NWD2: variants seen among roughly 807,000 people sequenced by gnomAD.
The protein encoded by NWD2 is NACHT and WD repeat domain containing 2, also known as NACHT and WD repeat domain-containing protein 2.
NWD2 carries 37 observed loss-of-function variants against 132.7 expected under a neutral mutation model. That is an observed-to-expected ratio of 0.28 (90% CI 0.21 to 0.37). The LOEUF is 0.37. Ranked by LOEUF, NWD2 falls within the 10% of genes least tolerant of loss-of-function variation. NWD2 has a pLI of 1.00. For missense variants in NWD2, 1,592 were observed against 2,122.4 expected (o/e 0.75, Z 4.91); for synonymous variants, 705 against 803.0 (o/e 0.88, Z 2.06).
In NWD2 at chr4:37,444,153, G is replaced by T. The variant is rs1712564647; in HGVS notation, c.2165G>T (p.Arg722Ile). ...GGTCTCAGTGGATACCTAATAGAAA[G>T]ACATGTGAAAAATGTCACACTCCTA... The part of the protein sequence containing the change: ...KEGLSGYLIE[R>I]HVKNVTLLVW... The change falls in exon 7 of 7, where the codon AGA (arginine) becomes ATA (isoleucine). Residue 722 changes from arginine to isoleucine, a missense_variant. Physicochemically the swap from Arg to Ile is moderately conservative, Grantham distance 97. Around this residue, in one of 7 missense-constraint regions of NWD2, gnomAD observed 1,071 missense variants for 1,398.0 expected, o/e 0.77. Transcript: ENST00000309447. The surrounding 1 kb of genome is among the most constrained non-coding windows in gnomAD (Gnocchi z 4.8). 1.3e-6 allele frequency: 2 copies of T among 1,551,702 alleles called. No individual in the cohort carries two copies. The highest frequency in any genetic ancestry group is 4.9e-5 in the East Asian group (2 of 40,922).
chr4:37,362,630 A>T (rs1045806071), intron 3 of NWD2, among the ~76,000 whole-genome samples: 1 of 151,236 alleles, frequency 6.6e-6, no homozygotes, highest in African/African-American at 2.5e-5. Context: ...AGGAGAATGA[A>T]ATTGGACCCC....
At chr4:37,312,886 A>G (rs1718879040) in intron 1 of NWD2, among the ~76,000 whole-genome samples, 1 of 151,130 alleles carries the variant, frequency 6.6e-6, no homozygotes, top group Admixed American at 6.6e-5. Context: ...TATTGAGATA[A>G]TCGTGGTTTT....
At chr4:37,252,615 C>T (rs567353680) in intron 1 of NWD2, among the ~76,000 whole-genome samples, 1 of 152,328 alleles carries the variant, frequency 6.6e-6, no homozygotes, top group African/African-American at 2.4e-5. Context: ...TTGAGTTACT[C>T]ATTCAGCTTC....
At chr4:37,343,977 A>G (rs1719581575) in intron 2 of NWD2, among the ~76,000 whole-genome samples, 1 of 152,192 alleles carries the variant, frequency 6.6e-6, no homozygotes, top group Non-Finnish European at 1.5e-5. Flanking sequence ...AGAAGTTTTT[A>G]AAACAACTGA....
intron 1 of NWD2, among the ~76,000 whole-genome samples, chr4:37,308,607 T>C (rs1416654975): frequency 6.6e-6 from 1 of 152,080 alleles, no homozygotes; most frequent in Non-Finnish European, 1.5e-5. Flanking sequence ...CTGGAGAGTG[T>C]GGTTGCTGGC....
chr4:37,409,435 TA>T (rs1428915009), intron 3 of NWD2, among the ~76,000 whole-genome samples: 1 of 150,950 alleles, frequency 6.6e-6, no homozygotes, highest in Non-Finnish European at 1.5e-5. Flanking sequence ...CTTAATGAAA[TA>T]AAGCGTGAAG....
At chr4:37,372,561 C>T (rs1560406837) in intron 3 of NWD2, among the ~76,000 whole-genome samples, 2 of 152,216 alleles carry the variant, frequency 1.3e-5, no homozygotes, top group African/African-American at 2.4e-5. Flanking sequence ...TACAAGTTAT[C>T]TGGACCAACG....
intron 1 of NWD2, among the ~76,000 whole-genome samples, chr4:37,322,380 G>C (rs1719086477): frequency 6.6e-6 from 1 of 152,080 alleles, no homozygotes; most frequent in South Asian, 2.1e-4. Flanking sequence ...GCTGCGAGTT[G>C]AATAACAAGA....
intron 3 of NWD2, among the ~76,000 whole-genome samples, chr4:37,419,642 T>C (rs1369290491): frequency 6.6e-6 from 1 of 152,144 alleles, no homozygotes; most frequent in Non-Finnish European, 1.5e-5. Flanking sequence ...CACTTGAAAA[T>C]ATGACAAAAT....
chr4:37,418,398 C>G (rs1423574686), intron 3 of NWD2, among the ~76,000 whole-genome samples: 1 of 152,208 alleles, frequency 6.6e-6, no homozygotes, highest in African/African-American at 2.4e-5. Flanking sequence ...TGTAGATACT[C>G]TCCTCTAAAA....
At chr4:37,338,507 T>G (rs1386702291) in intron 2 of NWD2, among the ~76,000 whole-genome samples, 1 of 152,182 alleles carries the variant, frequency 6.6e-6, no homozygotes, top group Admixed American at 6.5e-5. Context: ...CTGGTTTAAA[T>G]GGAATAGAAC....
intron 3 of NWD2, among the ~76,000 whole-genome samples, chr4:37,423,409 G>A (rs528813406): frequency 1.1e-4 from 17 of 152,198 alleles, no homozygotes; most frequent in African/African-American, 1.7e-4. Flanking sequence ...GCATTGGCTC[G>A]TGCAACTATG....
chr4:37,259,391 G>A (rs1042671197), intron 1 of NWD2, among the ~76,000 whole-genome samples: 10 of 152,218 alleles, frequency 6.6e-5, no homozygotes, highest in African/African-American at 2.2e-4. Flanking sequence ...AGTATTATTA[G>A]CATTTAATAC....
In NWD2 at chr4:37,329,551, G is replaced by A. The variant is rs574144241; in HGVS notation, c.240+3527G>A. Among the ~76,000 whole-genome samples, 3 of 151,952 alleles carry A rather than the reference G, an allele frequency of 2.0e-5. No individual in the cohort carries two copies. In the East Asian group the frequency reaches 5.8e-4, roughly 29 times the overall value. ...AGGGTCTGAGGTAGAAGTGTGTTTA[G>A]AATATTCTAGGAACAATCACACTAC... On this transcript the variant is annotated intron_variant, in intron 2 of 6. Coordinates refer to ENST00000309447, the MANE Select transcript of NWD2 (RefSeq NM_001144990.2).
At chr4:37,289,977 C>T (rs933131057) in intron 1 of NWD2, among the ~76,000 whole-genome samples, 1 of 152,148 alleles carries the variant, frequency 6.6e-6, no homozygotes, top group Non-Finnish European at 1.5e-5. Context: ...TTCATTTTCA[C>T]ATCCGTCTAA....
chr4:37,388,817 C>T (rs1720624062), intron 3 of NWD2, among the ~76,000 whole-genome samples: 1 of 150,218 alleles, frequency 6.7e-6, no homozygotes, highest in Non-Finnish European at 1.5e-5. Context: ...ACCACAAAAA[C>T]AGTTGTTCAA....
chr4:37,244,873 G>T lies in NWD2; in HGVS notation c.-195G>T. On this transcript the variant is annotated 5_prime_UTR_variant, in exon 1 of 7. Coordinates refer to ENST00000309447, the MANE Select transcript of NWD2 (RefSeq NM_001144990.2). The surrounding 1 kb of genome is among the most constrained non-coding windows in gnomAD (Gnocchi z 5.5). ...AGACCGCCGCGACAGGAGCCCGAGG[G>T]TCCGTATGGCTTCTCCTCGCCGGCG... is the stretch of plus-strand genomic sequence containing the variant. The T allele has an allele frequency of 1.6e-6, 1 of 633,640 alleles. No homozygotes were observed. The highest frequency in any genetic ancestry group is 2.1e-5 in the South Asian group (1 of 48,592). 39.3% of individuals were successfully genotyped at this position (633,640 alleles called of 1,614,324 possible).
chr4:37,245,952 T>C (rs895319751), intron 1 of NWD2, among the ~76,000 whole-genome samples: 1 of 152,140 alleles, frequency 6.6e-6, no homozygotes, highest in Non-Finnish European at 1.5e-5. Flanking sequence ...ACCACAGAGG[T>C]TGAACGCTGG....
At chr4:37,319,329 T>C (rs553621266) in intron 1 of NWD2, among the ~76,000 whole-genome samples, 40 of 152,322 alleles carry the variant, frequency 2.6e-4, no homozygotes, top group African/African-American at 8.9e-4. Context: ...TCATTTGGTT[T>C]TTGCTTGTTG....
Sources: gnomAD v4.1 joint callset for allele counts (sites outside exome capture counted in the v4.1 genomes callset) on GRCh38, gnomAD v4.1.1 for gene constraint, gnomAD v4.1.1 regional missense constraint, Gnocchi (gnomAD v3.1) non-coding constraint, MANE v1.5 for transcripts, NCBI Gene and HGNC (gene_info 2026-07-23, HGNC 2026-07-21) for gene names.